FBXW7: variants seen among roughly 807,000 people sequenced by gnomAD.
FBXW7 encodes the protein F-box and WD repeat domain containing 7.
A neutral mutation model predicts 86.3 loss-of-function variants in FBXW7; 11 were observed. The observed-to-expected ratio is 0.13, with a 90% CI of 0.08 to 0.21. FBXW7 has a LOEUF of 0.21. Ranked by LOEUF, FBXW7 falls within the 10% of genes least tolerant of loss-of-function variation. The pLI, the probability that FBXW7 is intolerant of heterozygous loss-of-function variation, is 1.00. For missense variants in FBXW7, 488 were observed against 847.4 expected, an observed-to-expected ratio of 0.58 and a Z score of 5.27; for synonymous variants, 313 against 297.9, an observed-to-expected ratio of 1.05 and a Z score of -0.52.
At chr4:152,442,846 C>G (rs920154868) in intron 2 of FBXW7, among the ~76,000 whole-genome samples, 3 of 152,318 alleles carry the variant, frequency 2.0e-5, no homozygotes, top group Admixed American at 1.3e-4. Context: ...AGGTAAAAAC[C>G]TAGATCCACC....
At chr4:152,402,866 A>T (rs1378524142) in intron 4 of FBXW7, among the ~76,000 whole-genome samples, 3 of 152,220 alleles carry the variant, frequency 2.0e-5, no homozygotes, top group Non-Finnish European at 4.4e-5. Flanking sequence ...AAAGTCAGAG[A>T]TGTCAACACA....
intron 4 of FBXW7, among the ~76,000 whole-genome samples, chr4:152,397,013 CA>C (rs1225333034): frequency 6.6e-6 from 1 of 151,836 alleles, no homozygotes; most frequent in Non-Finnish European, 1.5e-5. Flanking sequence ...ATTGGCAAAT[CA>C]AAGGAGGAGA....
chr4:152,367,107 C>G (rs1318136857), intron 4 of FBXW7, among the ~76,000 whole-genome samples: 2 of 152,088 alleles, frequency 1.3e-5, no homozygotes, highest in Non-Finnish European at 2.9e-5. Flanking sequence ...CTGGGAACAT[C>G]ACACACTGGG....
At chr4:152,508,271 T>C (rs1747618534) in intron 2 of FBXW7, among the ~76,000 whole-genome samples, 1 of 152,152 alleles carries the variant, frequency 6.6e-6, no homozygotes, top group Non-Finnish European at 1.5e-5. Context: ...CGCGAGTCCA[T>C]TCTGATATAC....
intron 8 of FBXW7, among the ~76,000 whole-genome samples, chr4:152,331,548 T>C (rs1159961744): frequency 1.3e-5 from 2 of 151,992 alleles, no homozygotes; most frequent in African/African-American, 4.8e-5. Context: ...AAAAGGGTGG[T>C]TGCCAGAGGC....
intron 2 of FBXW7, among the ~76,000 whole-genome samples, chr4:152,496,683 A>T (rs529300602): frequency 9.7e-4 from 148 of 152,304 alleles, no homozygotes; most frequent in African/African-American, 3.4e-3. Flanking sequence ...GAAAAAAGAA[A>T]AAAATAGAAC....
At chr4:152,346,048 C>T (rs1179847749) in intron 6 of FBXW7, among the ~76,000 whole-genome samples, 1 of 152,024 alleles carries the variant, frequency 6.6e-6, no homozygotes, top group African/African-American at 2.4e-5. Flanking sequence ...TGAGTAAGTA[C>T]TTAATCCTTG....
In FBXW7 at chr4:152,322,910, C is replaced by T. The variant is rs2126458440; in HGVS notation, c.2095G>A (p.Val699Met). 6.2e-7 allele frequency: 1 copy of T among 1,613,710 alleles called. No individual in the cohort carries two copies. Among genetic ancestry groups the T allele is most frequent in the Non-Finnish European group, 8.5e-7 (1 of 1,179,742 alleles). ...RNGTEETKLL[V>M]LDFDVDMK ...TTCATGTCCACATCAAAGTCCAGCA[C>T]CAGCAGCTTGGTTTCTTCAGTCCCA... The change falls in exon 14 of 14, where the codon GTG becomes ATG. Residue 699 changes from valine (V) to methionine (M), a missense_variant. By Grantham distance (21) the Val-to-Met change is conservative. This residue lies in a region of FBXW7 where 142 missense variants were observed against 406.6 expected (regional missense o/e 0.35). Transcript: ENST00000281708.
At chr4:152,335,682 T>C (rs1215760260) in intron 7 of FBXW7, among the ~76,000 whole-genome samples, 1 of 152,236 alleles carries the variant, frequency 6.6e-6, no homozygotes, top group Non-Finnish European at 1.5e-5. Context: ...TTTATTTTTC[T>C]CTATAACCTA....
intron 2 of FBXW7, among the ~76,000 whole-genome samples, chr4:152,482,490 C>T (rs1382803997): frequency 6.6e-6 from 1 of 152,098 alleles, no homozygotes; most frequent in Admixed American, 6.6e-5. Context: ...TGAGTTGGTT[C>T]TTTTTTACAT....
intron 4 of FBXW7, among the ~76,000 whole-genome samples, chr4:152,383,262 T>A (rs567730523): frequency 6.6e-6 from 1 of 152,196 alleles, no homozygotes; most frequent in South Asian, 2.1e-4. Flanking sequence ...AGTGCCTAAT[T>A]TCTCCTTCAC....
At chr4:152,418,448 G>T (rs1716797693) in intron 2 of FBXW7, among the ~76,000 whole-genome samples, 1 of 152,132 alleles carries the variant, frequency 6.6e-6, no homozygotes, top group South Asian at 2.1e-4. Context: ...GGGCTTGAGA[G>T]TGAGGAAGGA....
intron 13 of FBXW7, 159 bp from the exon 14 acceptor site, chr4:152,323,308 C>A: frequency 1.2e-6 from 1 of 857,054 alleles, no homozygotes; most frequent in Non-Finnish European, 1.7e-6. Flanking sequence ...TTAGGATCAG[C>A]ATGGATGTAA....
rs1168246562 is a variant in FBXW7, at chr4:152,322,144, C to CAATCCCA, written c.*736_*737insTGGGATT. On this transcript the variant is annotated 3_prime_UTR_variant, in exon 14 of 14. Transcript: ENST00000281708. ...CAGTACAGGGTTGGGACAACAATCC[C>CAATCCCA]ATATTTGAAGACCTACTTCTAGCAC... 2 of 232,960 alleles carry CAATCCCA rather than the reference C, an allele frequency of 8.6e-6. No homozygotes were observed. The highest frequency in any genetic ancestry group is 4.4e-5 in the African/African-American group (2 of 45,266). The allele number at this position is 232,960 out of a possible 1,614,324, so 14.4% of individuals were successfully genotyped here.
chr4:152,363,538 A>C (rs2126707702), intron 4 of FBXW7, among the ~76,000 whole-genome samples: 1 of 152,330 alleles, frequency 6.6e-6, no homozygotes, highest in African/African-American at 2.4e-5. Flanking sequence ...AATATTTTAA[A>C]CCAAATGTAT....
intron 4 of FBXW7, among the ~76,000 whole-genome samples, chr4:152,394,690 T>C (rs1736271403): frequency 6.6e-6 from 1 of 152,098 alleles, no homozygotes; most frequent in South Asian, 2.1e-4. Flanking sequence ...AACCTTATAA[T>C]ATACCATAGC....
chr4:152,389,097 C>G (rs753771198), intron 4 of FBXW7, among the ~76,000 whole-genome samples: 1 of 151,972 alleles, frequency 6.6e-6, no homozygotes, highest in African/African-American at 2.4e-5. Context: ...CATCTCACAC[C>G]ATTCAGAATG....
chr4:152,444,618 A>C (rs976845042), intron 2 of FBXW7, among the ~76,000 whole-genome samples: 1 of 152,248 alleles, frequency 6.6e-6, no homozygotes, highest in Non-Finnish European at 1.5e-5. Flanking sequence ...ACAAATTCTT[A>C]AAGGAAAAGC....
chr4:152,370,059 C>T (rs569090134), intron 4 of FBXW7, among the ~76,000 whole-genome samples: 45 of 151,974 alleles, frequency 3.0e-4, no homozygotes, highest in Middle Eastern at 6.8e-3. Context: ...ACAAGATTTA[C>T]AAAAACAGTA....
Sources: allele counts gnomAD v4.1 joint callset (sites outside exome capture counted in the v4.1 genomes callset), GRCh38; gene constraint gnomAD v4.1.1; regional missense constraint gnomAD v4.1.1; transcripts MANE v1.5; gene names NCBI Gene and HGNC (gene_info 2026-07-23, HGNC 2026-07-21).